ROR1: variants seen among roughly 807,000 people sequenced by gnomAD.
ROR1 encodes inactive tyrosine-protein kinase transmembrane receptor ROR1.
Under a neutral mutation model 78.8 loss-of-function variants are expected in ROR1, and 19 were observed. The observed-to-expected ratio is 0.24, with a 90% CI of 0.17 to 0.35. The LOEUF (loss-of-function observed/expected upper bound fraction) is 0.35, where lower values mean the gene tolerates loss of function less well. ROR1 is among the 10% of genes least tolerant of loss of function. The probability of loss-of-function intolerance (pLI) is 1.00; values close to 1 mark genes in which losing one functional copy is unlikely to be tolerated. For missense variants in ROR1, 917 were observed against 1,177.8 expected, an observed-to-expected ratio of 0.78 and a Z score of 3.24; for synonymous variants, 386 against 433.6, an observed-to-expected ratio of 0.89 and a Z score of 1.36.
At chr1:64,054,507 C>T in intron 4 of ROR1, among the ~76,000 whole-genome samples, 1 of 152,058 alleles carries the variant, frequency 6.6e-6, no homozygotes, top group East Asian at 1.9e-4. Context: ...CCAGTGGCAG[C>T]TATAGTTATC....
At position 63,925,451 on chromosome 1, in the gene ROR1, G is replaced by A. The variant is rs1298314853; in HGVS notation, c.92-83854G>A. 3.7e-4 allele frequency among the ~76,000 whole-genome samples: 56 copies of A among 152,064 alleles called. 1 individual carries two copies. The highest frequency in any genetic ancestry group is 3.4e-3 in the Middle Eastern group (1 of 294). The stretch of plus-strand genomic sequence containing the variant: ...GGGTTGGTTCCAAGTTTTTGCTATC[G>A]TGAATAATGCCGCAATAAACATACG... On this transcript the variant is annotated intron_variant, in intron 1 of 8. Transcript: ENST00000371079.
intron 2 of ROR1, among the ~76,000 whole-genome samples, chr1:64,046,963 T>C (rs989786573): frequency 2.0e-5 from 3 of 152,222 alleles, no homozygotes; most frequent in African/African-American, 7.2e-5. Flanking sequence ...TAGCATATAG[T>C]AGGATTTCAA....
At chr1:64,146,864 T>C (rs1649487699) in intron 7 of ROR1, among the ~76,000 whole-genome samples, 1 of 152,286 alleles carries the variant, frequency 6.6e-6, no homozygotes, top group East Asian at 1.9e-4. Flanking sequence ...GCTTTACATA[T>C]TCATCTCCAT....
At chr1:63,903,087 G>A (rs1259871340) in intron 1 of ROR1, among the ~76,000 whole-genome samples, 4 of 152,168 alleles carry the variant, frequency 2.6e-5, no homozygotes, top group Admixed American at 2.6e-4. Flanking sequence ...CTGCCAGGGA[G>A]GCTGGAAAAA....
intron 1 of ROR1, among the ~76,000 whole-genome samples, chr1:63,839,285 C>A (rs1439977788): frequency 6.6e-6 from 1 of 152,100 alleles, no homozygotes; most frequent in African/African-American, 2.4e-5. Flanking sequence ...CAGATTTTGA[C>A]CATATTTCTA....
intron 1 of ROR1, among the ~76,000 whole-genome samples, chr1:63,826,424 C>T (rs1040364724): frequency 6.6e-6 from 1 of 152,166 alleles, no homozygotes; most frequent in African/African-American, 2.4e-5. Flanking sequence ...GACATGATCT[C>T]ATTCTTTTTT....
chr1:63,813,516 C>G (rs747747639), intron 1 of ROR1, among the ~76,000 whole-genome samples: 1 of 152,210 alleles, frequency 6.6e-6, no homozygotes, highest in African/African-American at 2.4e-5. Flanking sequence ...TAGAAGAGCA[C>G]TGGTACCCTG....
chr1:64,080,530 A>T (rs747616698), intron 4 of ROR1, among the ~76,000 whole-genome samples: 1 of 152,116 alleles, frequency 6.6e-6, no homozygotes, highest in Non-Finnish European at 1.5e-5. Context: ...GTCTCTGTGA[A>T]CTCTACCCCC....
At chr1:64,077,941 G>T in intron 4 of ROR1, among the ~76,000 whole-genome samples, 1 of 152,172 alleles carries the variant, frequency 6.6e-6, no homozygotes, top group East Asian at 1.9e-4. Flanking sequence ...TGCTCAATGT[G>T]AGGGACATGG....
At chr1:63,917,163 C>A (rs761933505) in intron 1 of ROR1, among the ~76,000 whole-genome samples, 3 of 152,166 alleles carry the variant, frequency 2.0e-5, no homozygotes, top group Admixed American at 2.0e-4. Flanking sequence ...TGGCTCCTGT[C>A]CCAGTTTATA....
intron 4 of ROR1, among the ~76,000 whole-genome samples, chr1:64,091,799 A>AGCCAT (rs1647199693): frequency 6.6e-6 from 1 of 152,086 alleles, no homozygotes; most frequent in African/African-American, 2.4e-5. Flanking sequence ...TTTAGCATGA[A>AGCCAT]GCCATGCCTT....
At chr1:63,784,058 A>G (rs1046089973) in intron 1 of ROR1, among the ~76,000 whole-genome samples, 12 of 152,100 alleles carry the variant, frequency 7.9e-5, no homozygotes, top group African/African-American at 2.9e-4. Flanking sequence ...ACTCTGTCTG[A>G]TGATTAAAAT....
intron 1 of ROR1, among the ~76,000 whole-genome samples, chr1:63,954,203 C>T (rs972217604): frequency 6.6e-6 from 1 of 152,172 alleles, no homozygotes; most frequent in Non-Finnish European, 1.5e-5. Context: ...AATTGGTAGC[C>T]CTCATTTGAA....
chr1:64,136,350 G>T (rs1205951829), intron 4 of ROR1, among the ~76,000 whole-genome samples: 1 of 140,080 alleles, frequency 7.1e-6, no homozygotes. Context: ...GGGGAAAAAC[G>T]GTGTATTTTT....
intron 1 of ROR1, among the ~76,000 whole-genome samples, chr1:63,894,222 A>T (rs991381663): frequency 6.6e-6 from 1 of 152,128 alleles, no homozygotes; most frequent in African/African-American, 2.4e-5. Flanking sequence ...ATGGAGCAGG[A>T]TGGCCCAAGA....
At position 64,089,879 on chromosome 1, in the gene ROR1, C is replaced by T. The variant is rs6680149; in HGVS notation, c.482+39163C>T. On this transcript the variant is annotated intron_variant, in intron 4 of 8. Transcript: ENST00000371079. The stretch of plus-strand genomic sequence containing the variant: ...ACCTGGTGGGAGATAATTGAATCGT[C>T]GGGGCAGTTTCCCCCATACTGTTCT... Among the ~76,000 whole-genome samples the T allele has an allele frequency of 1.1e-4, 17 of 151,944 alleles. No homozygotes were observed. The South Asian group carries it at 2.7e-3, about 24-fold the overall frequency.
At chr1:64,084,628 G>T (rs1647135822) in intron 4 of ROR1, among the ~76,000 whole-genome samples, 1 of 152,206 alleles carries the variant, frequency 6.6e-6, no homozygotes, top group Non-Finnish European at 1.5e-5. Context: ...TCCTGGTCTT[G>T]TGAAGAGAAA....
intron 1 of ROR1, among the ~76,000 whole-genome samples, chr1:64,007,669 G>A (rs1646440000): frequency 2.0e-5 from 3 of 152,056 alleles, no homozygotes; most frequent in South Asian, 2.1e-4. Context: ...TACCACAAAT[G>A]ACTCTCTATA....
chr1:63,813,682 C>T (rs1421425151), intron 1 of ROR1, among the ~76,000 whole-genome samples: 1 of 152,180 alleles, frequency 6.6e-6, no homozygotes, highest in African/African-American at 2.4e-5. Flanking sequence ...AAAACTAGCA[C>T]GATGATCAGA....
Sources: gnomAD v4.1 joint callset for allele counts (sites outside exome capture counted in the v4.1 genomes callset) on GRCh38, gnomAD v4.1.1 for gene constraint, MANE v1.5 for transcripts, NCBI Gene and HGNC (gene_info 2026-07-23, HGNC 2026-07-21) for gene names.